The following NRCAM variants were observed in gnomAD, a reference collection of about 807,000 sequenced individuals.
NRCAM encodes the protein NgCAM-related cell adhesion molecule.
NRCAM carries 83 observed loss-of-function variants against 156.5 expected under a neutral mutation model. The observed-to-expected ratio is 0.53, with a 90% confidence interval of 0.44 to 0.64. The LOEUF (loss-of-function observed/expected upper bound fraction) is 0.64. Ranked by LOEUF, NRCAM falls within the 30% of genes least tolerant of loss-of-function variation. NRCAM has a pLI of 0.00. For missense variants in NRCAM, 1,417 were observed against 1,597.3 expected, an observed-to-expected ratio of 0.89 and a Z score of 1.92; for synonymous variants, 538 against 563.9, an observed-to-expected ratio of 0.95 and a Z score of 0.65.
At chr7:108,443,723 T>C (rs1841199736) in intron 1 of NRCAM, among the ~76,000 whole-genome samples, 1 of 152,188 alleles carries the variant, frequency 6.6e-6, no homozygotes, top group African/African-American at 2.4e-5. Context: ...AAAAAGGTAA[T>C]CAACTAATTA....
chr7:108,442,066 C>G (rs1313594099), intron 1 of NRCAM, among the ~76,000 whole-genome samples: 1 of 152,128 alleles, frequency 6.6e-6, no homozygotes, highest in Non-Finnish European at 1.5e-5. Flanking sequence ...TCCTAAAATT[C>G]AGAGAGACAA....
chr7:108,166,064 A>T (rs1443094695), intron 30 of NRCAM, among the ~76,000 whole-genome samples: 1 of 142,858 alleles, frequency 7.0e-6, no homozygotes, highest in Non-Finnish European at 1.5e-5. Context: ...TTTTGTTAAT[A>T]TTCACATAAG....
In NRCAM at chr7:108,293,272, G is replaced by A. The variant is rs115278595; in HGVS notation, c.-107+19393C>T. Among the ~76,000 whole-genome samples, 904 of 152,052 alleles carry A rather than the reference G, an allele frequency of 5.9e-3. 12 individuals carry two copies. The highest frequency in any genetic ancestry group is 0.021 in the African/African-American group (876 of 41,478). Reference sequence around the variant, plus strand: ...AAAACTGTGCTTCTAATTGTCCAGCGGGCGATCACGGCTTGGCTAAGAAAG... The same window carrying A: ...AAAACTGTGCTTCTAATTGTCCAGCAGGCGATCACGGCTTGGCTAAGAAAG... On this transcript the variant is annotated intron_variant, in intron 3 of 32. Transcript: ENST00000379028.
At chr7:108,421,157 A>C (rs1034824) in intron 1 of NRCAM, among the ~76,000 whole-genome samples, 5 of 152,192 alleles carry the variant, frequency 3.3e-5, no homozygotes, top group African/African-American at 1.2e-4. Context: ...AAAAAAGACT[A>C]TAAGTGTAGA....
At chr7:108,169,270 G>C (rs944716180) in intron 28 of NRCAM, among the ~76,000 whole-genome samples, 1 of 152,214 alleles carries the variant, frequency 6.6e-6, no homozygotes, top group Non-Finnish European at 1.5e-5. Flanking sequence ...AATGTTATTT[G>C]AATACCTGAG....
chr7:108,280,242 C>T (rs2097797532), intron 3 of NRCAM, among the ~76,000 whole-genome samples: 2 of 152,206 alleles, frequency 1.3e-5, no homozygotes, highest in African/African-American at 4.8e-5. Flanking sequence ...AACTTAGAAG[C>T]GCTAGCAATT....
At chr7:108,351,565 T>C (rs1191758513) in intron 2 of NRCAM, among the ~76,000 whole-genome samples, 1 of 152,206 alleles carries the variant, frequency 6.6e-6, no homozygotes, top group East Asian at 1.9e-4. Context: ...AGATTTGGGA[T>C]AGGCTTTGGG....
intron 23 of NRCAM, 27 bp downstream of exon 23, chr7:108,182,668 G>A (rs756284454): frequency 6.2e-6 from 10 of 1,601,756 alleles, no homozygotes; most frequent in Non-Finnish European, 8.5e-6. Flanking sequence ...GTTTTGCTGG[G>A]GAAAAGTAGG....
At chr7:108,280,146 A>G (rs2097794465) in intron 3 of NRCAM, among the ~76,000 whole-genome samples, 1 of 152,222 alleles carries the variant, frequency 6.6e-6, no homozygotes, top group South Asian at 2.1e-4. Flanking sequence ...TGTAGGTTAA[A>G]AGCTGGCCTG....
intron 3 of NRCAM, among the ~76,000 whole-genome samples, chr7:108,287,970 G>A (rs1008160647): frequency 6.6e-6 from 1 of 152,028 alleles, no homozygotes; most frequent in African/African-American, 2.4e-5. Flanking sequence ...ATCAACCTAA[G>A]TGTCCATCAA....
rs187248756 is a variant in NRCAM, at chr7:108,266,258, C to T, written c.-106-26088G>A. Among the ~76,000 whole-genome samples the T allele has an allele frequency of 3.9e-5, 6 of 152,142 alleles. No homozygotes were observed. The East Asian group carries it at 9.6e-4, about 24-fold the overall frequency. On this transcript the variant is annotated intron_variant, in intron 3 of 32. Transcript: ENST00000379028. ...TCTATTCAGGTTGGCATGGCCTCAA[C>T]CATTTTGAGTCAAATTTCTGTCTAG...
intron 3 of NRCAM, among the ~76,000 whole-genome samples, chr7:108,300,806 T>G (rs1276698447): frequency 6.6e-6 from 1 of 152,190 alleles, no homozygotes. Flanking sequence ...AGATTATTTT[T>G]AAATTCAAAT....
At chr7:108,255,679 T>G (rs1475085662) in intron 3 of NRCAM, among the ~76,000 whole-genome samples, 1 of 140,380 alleles carries the variant, frequency 7.1e-6, no homozygotes, top group Non-Finnish European at 1.5e-5. Context: ...GTCTGAGATG[T>G]GGGGAGCGCC....
intron 3 of NRCAM, among the ~76,000 whole-genome samples, chr7:108,252,367 G>A (rs1275660969): frequency 1.3e-5 from 2 of 152,206 alleles, no homozygotes; most frequent in Admixed American, 1.3e-4. Flanking sequence ...TTAGGTTTCT[G>A]TCTCCTTCGA....
chr7:108,251,748 G>T (rs905380235), intron 3 of NRCAM, among the ~76,000 whole-genome samples: 1 of 152,202 alleles, frequency 6.6e-6, no homozygotes, highest in African/African-American at 2.4e-5. Flanking sequence ...AGACAGGAGT[G>T]GGCTTGGGCC....
chr7:108,365,480 A>T (rs917493839), intron 2 of NRCAM, among the ~76,000 whole-genome samples: 5 of 152,206 alleles, frequency 3.3e-5, no homozygotes, highest in Non-Finnish European at 7.3e-5. Flanking sequence ...GAATGATAAA[A>T]TTGGGCTAAT....
intron 2 of NRCAM, among the ~76,000 whole-genome samples, chr7:108,320,160 AG>A (rs1257981128): frequency 6.6e-6 from 1 of 152,216 alleles, no homozygotes; most frequent in Non-Finnish European, 1.5e-5. Flanking sequence ...GATCAAACAT[AG>A]TCTCTTGGGC....
chr7:108,280,647 G>A (rs1456528185), intron 3 of NRCAM, among the ~76,000 whole-genome samples: 1 of 152,210 alleles, frequency 6.6e-6, no homozygotes, highest in Non-Finnish European at 1.5e-5. Flanking sequence ...ACTGAAAATA[G>A]TTTGACCGTT....
intron 1 of NRCAM, among the ~76,000 whole-genome samples, chr7:108,451,022 C>T (rs893142377): frequency 3.7e-4 from 56 of 152,022 alleles, no homozygotes; most frequent in Non-Finnish European, 1.5e-5. Context: ...GGTTGAAGAC[C>T]AGCTTGGCCA....
Sources: gnomAD v4.1 joint callset for allele counts (sites outside exome capture counted in the v4.1 genomes callset) on GRCh38, gnomAD v4.1.1 for gene constraint, MANE v1.5 for transcripts, NCBI Gene and HGNC (gene_info 2026-07-23, HGNC 2026-07-21) for gene names.